The following ITGA9 variants were observed in gnomAD, a reference collection of about 807,000 sequenced individuals.
ITGA9 encodes the protein integrin subunit alpha 9.
A neutral mutation model predicts 127.8 loss-of-function variants in ITGA9; 56 were observed. That is an observed-to-expected ratio of 0.44 (90% CI 0.35 to 0.55). ITGA9 has a LOEUF of 0.55. Ranked by LOEUF, ITGA9 falls within the 20% of genes least tolerant of loss-of-function variation. The pLI, the probability that ITGA9 is intolerant of heterozygous loss-of-function variation, is 0.00. For missense variants in ITGA9, 1,196 were observed against 1,347.1 expected, an observed-to-expected ratio of 0.89 and a Z score of 1.76; for synonymous variants, 508 against 514.5, an observed-to-expected ratio of 0.99 and a Z score of 0.17.
At chr3:37,636,321 A>G (rs1246234669) in intron 16 of ITGA9, among the ~76,000 whole-genome samples, 1 of 152,130 alleles carries the variant, frequency 6.6e-6, no homozygotes, top group Non-Finnish European at 1.5e-5. Flanking sequence ...AATGATCACC[A>G]TTCTAACTGG....
chr3:37,541,244 G>T (rs1452256134), intron 14 of ITGA9, among the ~76,000 whole-genome samples: 1 of 152,198 alleles, frequency 6.6e-6, no homozygotes, highest in Non-Finnish European at 1.5e-5. Context: ...GACAGGGCAG[G>T]GCTGGGTCAT....
chr3:37,779,823 A>G (rs1696953826), intron 24 of ITGA9, 79 bp from the exon 25 acceptor site: 1 of 1,406,964 alleles, frequency 7.1e-7, no homozygotes, highest in Non-Finnish European at 1.0e-6. Context: ...AAGTTCATGG[A>G]GCCCACTACT....
At chr3:37,748,938 T>TA in intron 22 of ITGA9, 4 of 688,378 alleles carry the variant, frequency 5.8e-6, no homozygotes, top group South Asian at 1.7e-5. Context: ...TCTGGACTGT[T>TA]TAAAAAAAAA....
chr3:37,717,174 G>A (rs1701144349), intron 18 of ITGA9, among the ~76,000 whole-genome samples: 1 of 152,102 alleles, frequency 6.6e-6, no homozygotes, highest in African/African-American at 2.4e-5. Context: ...CTGAGGACAG[G>A]GCTATACTCA....
At chr3:37,705,881 C>G (rs970743162) in intron 18 of ITGA9, among the ~76,000 whole-genome samples, 1 of 152,196 alleles carries the variant, frequency 6.6e-6, no homozygotes, top group East Asian at 1.9e-4. Flanking sequence ...CCGAGCAAAC[C>G]CTCATTCACT....
intron 14 of ITGA9, among the ~76,000 whole-genome samples, chr3:37,538,130 C>T (rs1699229126): frequency 1.3e-5 from 2 of 152,240 alleles, no homozygotes. Context: ...AAGGGGCGCT[C>T]TCTGAGTGAT....
chr3:37,599,570 T>C (rs761850665), intron 15 of ITGA9, among the ~76,000 whole-genome samples: 7 of 152,190 alleles, frequency 4.6e-5, no homozygotes, highest in Non-Finnish European at 8.8e-5. Context: ...TTCCTGATGA[T>C]GGGAGGAGCT....
chr3:37,508,556 T>C lies in ITGA9; in HGVS notation c.829-3T>C, dbSNP rs1056530899. 1.9e-6 allele frequency: 3 copies of C among 1,609,166 alleles called. No homozygotes were observed. The highest frequency in any genetic ancestry group is 1.7e-6 in the Non-Finnish European group (2 of 1,176,246). ...ACTAGATTTTTTTTTTTTCATTCCA[T>C]AGGTTTATATTTTCAGAGCTGACCG... On this transcript the variant is annotated splice_region_variant and splice_polypyrimidine_tract_variant and intron_variant, in intron 7 of 27. Transcript: ENST00000264741.
At chr3:37,675,519 G>A (rs1170231743) in intron 17 of ITGA9, among the ~76,000 whole-genome samples, 1 of 152,104 alleles carries the variant, frequency 6.6e-6, no homozygotes, top group Non-Finnish European at 1.5e-5. Context: ...AGATCTGTGT[G>A]GCTTGCTACT....
intron 16 of ITGA9, among the ~76,000 whole-genome samples, chr3:37,632,743 C>T (rs765034020): frequency 2.6e-5 from 4 of 152,142 alleles, no homozygotes; most frequent in Non-Finnish European, 5.9e-5. Context: ...GATAAGTCAG[C>T]TTACAACAGA....
chr3:37,486,585 A>T (rs1447942440), intron 4 of ITGA9, among the ~76,000 whole-genome samples: 1 of 152,230 alleles, frequency 6.6e-6, no homozygotes, highest in African/African-American at 2.4e-5. Flanking sequence ...TATTCTCAGA[A>T]GGTGTCTAAC....
chr3:37,748,631 C>T (rs567050282), intron 22 of ITGA9: 3 of 505,720 alleles, frequency 5.9e-6, no homozygotes, highest in Non-Finnish European at 1.1e-5. Flanking sequence ...CCTGTAATCC[C>T]AGCTACTCAG....
intron 16 of ITGA9, among the ~76,000 whole-genome samples, chr3:37,631,286 G>T (rs4678981): frequency 0.18 from 27,043 of 152,176 alleles, 2,459 homozygotes; most frequent in East Asian, 0.23. Flanking sequence ...TTTCCACAGT[G>T]AACCTATCTC....
rs1168132251 is a variant in ITGA9 at position 37,799,144 on chromosome 3, T to C, written c.2890-4679T>C. Among the ~76,000 whole-genome samples, 1 of 152,212 alleles carries C rather than the reference T, an allele frequency of 6.6e-6. No individual in the cohort carries two copies. Among genetic ancestry groups the C allele is most frequent in the Non-Finnish European group, 1.5e-5 (1 of 68,042 alleles). On this transcript the variant is annotated intron_variant, in intron 26 of 27. Transcript: ENST00000264741. The surrounding 1 kb of genome is among the most constrained non-coding windows in gnomAD (Gnocchi z 4.0). ...AGTAAGTTTTCAAGTACTGAATTAA[T>C]GGATCAAAGGGTATGAACATTTTTA...
chr3:37,761,644 G>C (rs1696724179), intron 23 of ITGA9, among the ~76,000 whole-genome samples: 1 of 152,232 alleles, frequency 6.6e-6, no homozygotes, highest in South Asian at 2.1e-4. Flanking sequence ...GGAAGAGTTA[G>C]AGGGAAGGCC....
At chr3:37,803,769 G>A (rs1464775397) in intron 26 of ITGA9, 54 bp from the exon 27 acceptor site, 2 of 1,607,008 alleles carry the variant, frequency 1.2e-6, no homozygotes, top group African/African-American at 1.3e-5. Context: ...ACAAGACTCT[G>A]TCTCAAAAAA....
chr3:37,530,785 G>C (rs1226631014), intron 13 of ITGA9, among the ~76,000 whole-genome samples: 2 of 117,628 alleles, frequency 1.7e-5, no homozygotes, highest in African/African-American at 6.3e-5. Flanking sequence ...GGAGTCTCCC[G>C]CTGTCACCAA....
At chr3:37,516,051 T>G (rs1698981037) in intron 9 of ITGA9, among the ~76,000 whole-genome samples, 1 of 152,142 alleles carries the variant, frequency 6.6e-6, no homozygotes, top group African/African-American at 2.4e-5. Flanking sequence ...CAGTGGTGCC[T>G]GCCATTGTAT....
At chr3:37,618,711 C>CT in intron 15 of ITGA9, among the ~76,000 whole-genome samples, 1 of 152,372 alleles carries the variant, frequency 6.6e-6, no homozygotes, top group Middle Eastern at 3.4e-3. Context: ...TGATCTCAGA[C>CT]TGCTGTGCTA....
Sources: gnomAD v4.1 joint callset for allele counts (sites outside exome capture counted in the v4.1 genomes callset) on GRCh38, gnomAD v4.1.1 for gene constraint, Gnocchi (gnomAD v3.1) non-coding constraint, MANE v1.5 for transcripts, NCBI Gene and HGNC (gene_info 2026-07-23, HGNC 2026-07-21) for gene names.